TTI1: variants seen among roughly 807,000 people sequenced by gnomAD.
TTI1 encodes the protein TELO2 interacting protein 1, also known as TELO2-interacting protein 1 homolog.
A neutral mutation model predicts 85.4 loss-of-function variants in TTI1; 52 were observed. The ratio of observed to expected loss-of-function variants is 0.61; its 90% CI spans 0.49 to 0.77. The LOEUF is 0.77. Among genes scored for constraint, TTI1 ranks in the 30% least tolerant of loss-of-function variants. The probability of loss-of-function intolerance (pLI) is 0.00; values close to 1 mark genes in which losing one functional copy is unlikely to be tolerated. For missense variants in TTI1, 1,173 were observed against 1,296.0 expected (o/e 0.91, Z 1.46); for synonymous variants, 512 against 503.9 (o/e 1.02, Z -0.22).
chr20:38,030,297 T>G (rs1254723810), intron 1 of TTI1, among the ~76,000 whole-genome samples: 1 of 151,934 alleles, frequency 6.6e-6, no homozygotes, highest in Non-Finnish European at 1.5e-5. Flanking sequence ...CAAACCAAGA[T>G]GGTTTCATTG....
chr20:38,015,873 G>A (rs1345111443), intron 1 of TTI1, among the ~76,000 whole-genome samples: 2 of 152,188 alleles, frequency 1.3e-5, no homozygotes, highest in Non-Finnish European at 2.9e-5. Flanking sequence ...GGAAGAACCA[G>A]CATGTAAGGG....
At chr20:37,997,377 G>A (rs1417910575) in intron 5 of TTI1, among the ~76,000 whole-genome samples, 1 of 152,082 alleles carries the variant, frequency 6.6e-6, no homozygotes, top group African/African-American at 2.4e-5. Context: ...AAATACTATG[G>A]TCCAGCTGCT....
Position 37,996,770 on chromosome 20 carries a change from G to C in TTI1, c.2977C>G (p.Leu993Val). The C allele has an allele frequency of 2.5e-6, 4 of 1,611,938 alleles. No individual in the cohort carries two copies. The highest frequency in any genetic ancestry group is 3.4e-6 in the Non-Finnish European group (4 of 1,178,354). The change falls in exon 6 of 8, where the codon CTC becomes GTC. Residue 993 changes from leucine to valine, a missense_variant. Leu to Val is a conservative substitution (Grantham distance 32, BLOSUM62 1). Coordinates refer to ENST00000373447, the MANE Select transcript of TTI1 (RefSeq NM_001303457.2). The stretch of plus-strand genomic sequence containing the variant: ...CCACCTAGGTCCAGTCTCTCACAGA[G>C]GGGGCCCAGGCCCTGTAAGACAGCC... ...QLAVLQGLGPLCERLDLGEGD... is the reference protein window; with the variant it reads ...QLAVLQGLGPVCERLDLGEGD...
intron 7 of TTI1, among the ~76,000 whole-genome samples, chr20:37,992,101 A>G (rs1334895793): frequency 6.6e-6 from 1 of 152,176 alleles, no homozygotes; most frequent in Non-Finnish European, 1.5e-5. Context: ...CTACAGCAAT[A>G]ACAGCATCCA....
intron 1 of TTI1, among the ~76,000 whole-genome samples, chr20:38,021,529 C>T (rs1568629786): frequency 6.6e-6 from 1 of 152,186 alleles, no homozygotes; most frequent in African/African-American, 2.4e-5. Flanking sequence ...TCAGAACAAA[C>T]GGATTCTCTG....
intron 7 of TTI1, among the ~76,000 whole-genome samples, chr20:37,996,019 T>C (rs971987034): frequency 1.3e-5 from 2 of 152,134 alleles, no homozygotes; most frequent in African/African-American, 4.8e-5. Context: ...ACCCAGCACT[T>C]TCACTTTGCT....
intron 7 of TTI1, 40 bp downstream of exon 7, chr20:37,996,335 G>A (rs1239587804): frequency 6.2e-7 from 1 of 1,606,322 alleles, no homozygotes; most frequent in East Asian, 2.2e-5. Context: ...CTGTAATTTA[G>A]AACAAACGTA....
chr20:38,004,105 T>C (rs2122546214), intron 3 of TTI1, among the ~76,000 whole-genome samples: 1 of 152,364 alleles, frequency 6.6e-6, no homozygotes, highest in East Asian at 1.9e-4. Flanking sequence ...ATAGAGCATG[T>C]ATACCTCACA....
intron 1 of TTI1, among the ~76,000 whole-genome samples, chr20:38,032,203 A>G (rs1457500436): frequency 2.0e-5 from 3 of 152,228 alleles, no homozygotes; most frequent in Non-Finnish European, 4.4e-5. Flanking sequence ...GGGGGATAAT[A>G]TAATACCTCA....
At chr20:38,008,651 T>A (rs1208288320) in intron 2 of TTI1, among the ~76,000 whole-genome samples, 1 of 152,198 alleles carries the variant, frequency 6.6e-6, no homozygotes, top group Non-Finnish European at 1.5e-5. Flanking sequence ...GATAACTCAA[T>A]TTCCTAAAGC....
intron 1 of TTI1, among the ~76,000 whole-genome samples, chr20:38,019,524 A>C (rs1470997468): frequency 1.3e-5 from 2 of 152,224 alleles, no homozygotes; most frequent in African/African-American, 2.4e-5. Context: ...AAATCTGTAG[A>C]GTAAGCTCTA....
intron 4 of TTI1, among the ~76,000 whole-genome samples, chr20:38,001,065 T>C (rs565113454): frequency 3.9e-5 from 6 of 152,318 alleles, no homozygotes; most frequent in Non-Finnish European, 8.8e-5. Context: ...TTCTCCAATA[T>C]GTATGAGTCT....
At chr20:38,006,634 C>T (rs951364225) in intron 2 of TTI1, among the ~76,000 whole-genome samples, 6 of 152,194 alleles carry the variant, frequency 3.9e-5, no homozygotes, top group Non-Finnish European at 7.4e-5. Context: ...GGAATACCTC[C>T]CATCTACTTC....
At chr20:38,022,573 G>T (rs1276792333) in intron 1 of TTI1, among the ~76,000 whole-genome samples, 1 of 152,096 alleles carries the variant, frequency 6.6e-6, no homozygotes, top group East Asian at 1.9e-4. Flanking sequence ...TTCCGAATCG[G>T]ATTCTAGATA....
chr20:37,998,490 C>T (rs953968785), intron 5 of TTI1, among the ~76,000 whole-genome samples: 1 of 152,170 alleles, frequency 6.6e-6, no homozygotes, highest in Non-Finnish European at 1.5e-5. Context: ...TGGTATGTAT[C>T]TCTGCAGGTT....
intron 7 of TTI1, among the ~76,000 whole-genome samples, chr20:37,994,622 T>C (rs28719912): frequency 6.4e-4 from 98 of 152,150 alleles, no homozygotes; most frequent in African/African-American, 2.2e-3. Flanking sequence ...TGATTTTTTT[T>C]CCCAACTTCA....
At chr20:37,990,416 A>C (rs1359092056) in intron 7 of TTI1, among the ~76,000 whole-genome samples, 1 of 152,236 alleles carries the variant, frequency 6.6e-6, no homozygotes, top group Non-Finnish European at 1.5e-5. Flanking sequence ...TCGGTCTTAT[A>C]GATGAGAAAA....
chr20:38,032,184 C>T (rs1220232108), intron 1 of TTI1, among the ~76,000 whole-genome samples: 1 of 152,194 alleles, frequency 6.6e-6, no homozygotes, highest in African/African-American at 2.4e-5. Flanking sequence ...GTTTCCTACG[C>T]TGTCCAAAGG....
intron 1 of TTI1, among the ~76,000 whole-genome samples, chr20:38,032,252 A>G (rs2073920543): frequency 6.6e-6 from 1 of 152,254 alleles, no homozygotes; most frequent in South Asian, 2.1e-4. Context: ...ACTGTGTGGG[A>G]ATTGTGTCTA....
Sources: allele counts gnomAD v4.1 joint callset (sites outside exome capture counted in the v4.1 genomes callset), GRCh38; gene constraint gnomAD v4.1.1; transcripts MANE v1.5; gene names NCBI Gene and HGNC (gene_info 2026-07-23, HGNC 2026-07-21).